CMIP: variants seen among roughly 807,000 people sequenced by gnomAD.
The protein encoded by CMIP is C-Maf-inducing protein.
CMIP carries 13 observed loss-of-function variants against 97.3 expected under a neutral mutation model. That is an observed-to-expected ratio of 0.13 (90% CI 0.09 to 0.21). CMIP has a LOEUF of 0.21. CMIP is among the 10% of genes least tolerant of loss of function. The pLI is 1.00. For missense variants in CMIP, 847 were observed against 1,024.9 expected, an observed-to-expected ratio of 0.83 and a Z score of 2.37; for synonymous variants, 538 against 436.3, an observed-to-expected ratio of 1.23 and a Z score of -2.91.
In CMIP at chr16:81,655,361, T is replaced by C. The variant is rs1420654890; in HGVS notation, c.640-2414T>C. On this transcript the variant is annotated intron_variant, in intron 4 of 20. Coordinates refer to ENST00000537098, the MANE Select transcript of CMIP (RefSeq NM_198390.3). This position sits in a 1 kb window ranked among gnomAD's most constrained non-coding sequence, Gnocchi z 4.9. ...AGAGGGGCATCGTGGAGGGAGCTGC[T>C]AAGGACGCAAAACAGTTCCGAGAAA... Among the ~76,000 whole-genome samples the C allele has an allele frequency of 6.6e-6, 1 of 152,112 alleles. No individual in the cohort carries two copies. Among genetic ancestry groups the C allele is most frequent in the Non-Finnish European group, 1.5e-5 (1 of 68,020 alleles).
chr16:81,521,535 G>C (rs2090027802), intron 1 of CMIP, among the ~76,000 whole-genome samples: 1 of 152,160 alleles, frequency 6.6e-6, no homozygotes, highest in Non-Finnish European at 1.5e-5. Context: ...GAAGAGGAGG[G>C]GGCTGAGTGT....
intron 1 of CMIP, among the ~76,000 whole-genome samples, chr16:81,604,037 TAA>T (rs2091700674): frequency 6.6e-6 from 1 of 152,218 alleles, no homozygotes; most frequent in Non-Finnish European, 1.5e-5. Context: ...TCCTTGGTCC[TAA>T]AAAGTCTGCT....
chr16:81,649,941 G>T (rs1172625659), intron 3 of CMIP, among the ~76,000 whole-genome samples: 1 of 152,186 alleles, frequency 6.6e-6, no homozygotes, highest in Non-Finnish European at 1.5e-5. Context: ...AGACATGTTG[G>T]GTTTTGCACA....
At chr16:81,569,964 C>T (rs2091054771) in intron 1 of CMIP, among the ~76,000 whole-genome samples, 1 of 152,128 alleles carries the variant, frequency 6.6e-6, no homozygotes. Context: ...TTCATTCATT[C>T]ATTCATTCAT....
chr16:81,551,378 G>T (rs2090655709), intron 1 of CMIP, among the ~76,000 whole-genome samples: 1 of 152,260 alleles, frequency 6.6e-6, no homozygotes, highest in African/African-American at 2.4e-5. Flanking sequence ...ATTAGCAAGT[G>T]ACAAATGGGA....
At chr16:81,594,563 A>G (rs145488804) in intron 1 of CMIP, among the ~76,000 whole-genome samples, 2 of 152,054 alleles carry the variant, frequency 1.3e-5, no homozygotes, top group African/African-American at 2.4e-5. Flanking sequence ...ACTAAATCCT[A>G]TATACACTGT....
chr16:81,572,758 C>T (rs1045749493), intron 1 of CMIP, among the ~76,000 whole-genome samples: 2 of 152,178 alleles, frequency 1.3e-5, no homozygotes, highest in African/African-American at 4.8e-5. Context: ...GCCAAGGTCC[C>T]TCAGGCTGGT....
chr16:81,468,378 G>C (rs1907331225), intron 1 of CMIP, among the ~76,000 whole-genome samples: 1 of 152,270 alleles, frequency 6.6e-6, no homozygotes, highest in African/African-American at 2.4e-5. Context: ...TTCCAGCTCT[G>C]CGGCCCCATC....
chr16:81,464,394 T>C (rs1320242770), intron 1 of CMIP: 1 of 152,242 alleles, frequency 6.6e-6, no homozygotes, highest in East Asian at 1.9e-4. Flanking sequence ...GTAGAGAGAC[T>C]GCCCCAGTCG....
chr16:81,527,090 G>A (rs2090147164), intron 1 of CMIP, among the ~76,000 whole-genome samples: 1 of 152,224 alleles, frequency 6.6e-6, no homozygotes, highest in Non-Finnish European at 1.5e-5. Flanking sequence ...GCCTGGACCT[G>A]AAAGGAATGT....
chr16:81,640,851 A>G (rs898427924), intron 3 of CMIP, among the ~76,000 whole-genome samples: 1 of 151,714 alleles, frequency 6.6e-6, no homozygotes, highest in African/African-American at 2.4e-5. Context: ...GTATGACCTC[A>G]TCTTAATTAT....
chr16:81,525,541 A>T (rs1308472359), intron 1 of CMIP, among the ~76,000 whole-genome samples: 1 of 152,228 alleles, frequency 6.6e-6, no homozygotes, highest in Admixed American at 6.5e-5. Flanking sequence ...TTTAAGAGAC[A>T]GAGTATGGCT....
At chr16:81,696,108 T>C in intron 13 of CMIP, 1 of 194,172 alleles carries the variant, frequency 5.2e-6, no homozygotes, top group Non-Finnish European at 1.1e-5. Context: ...GGGAGAGGAG[T>C]TAGAAACACA....
At chr16:81,632,950 G>A (rs1042539292) in intron 3 of CMIP, among the ~76,000 whole-genome samples, 2 of 152,106 alleles carry the variant, frequency 1.3e-5, no homozygotes, top group Non-Finnish European at 1.5e-5. Context: ...AAACTGCGAA[G>A]GAAGAAGTGG....
At chr16:81,683,212 C>G (rs1351231487) in intron 10 of CMIP, among the ~76,000 whole-genome samples, 2 of 152,164 alleles carry the variant, frequency 1.3e-5, no homozygotes, top group Non-Finnish European at 2.9e-5. Flanking sequence ...CTGTAAAGCT[C>G]AGATGGGGAG....
At chr16:81,706,558 T>C (rs867878451) in intron 19 of CMIP, among the ~76,000 whole-genome samples, 1 of 152,308 alleles carries the variant, frequency 6.6e-6, no homozygotes, top group Middle Eastern at 3.4e-3. Flanking sequence ...TCAGCGTCTC[T>C]GGGAGTGGGT....
intron 1 of CMIP, among the ~76,000 whole-genome samples, chr16:81,475,869 C>G (rs1907877740): frequency 6.6e-6 from 1 of 151,984 alleles, no homozygotes; most frequent in Non-Finnish European, 1.5e-5. Flanking sequence ...CGCCTGTAGT[C>G]TCAGCTACTT....
At chr16:81,673,181 T>TG in intron 9 of CMIP, among the ~76,000 whole-genome samples, 1 of 151,962 alleles carries the variant, frequency 6.6e-6, no homozygotes, top group Non-Finnish European at 1.5e-5. Flanking sequence ...CAGGAAACAC[T>TG]GGGGGACAGG....
At chr16:81,543,691 A>G (rs1477306275) in intron 1 of CMIP, among the ~76,000 whole-genome samples, 1 of 152,224 alleles carries the variant, frequency 6.6e-6, no homozygotes, top group African/African-American at 2.4e-5. Flanking sequence ...ATCTTAGAAC[A>G]GTGCCTGGCT....
Sources: allele counts gnomAD v4.1 joint callset (sites outside exome capture counted in the v4.1 genomes callset), GRCh38; gene constraint gnomAD v4.1.1; non-coding constraint Gnocchi (gnomAD v3.1); transcripts MANE v1.5; gene names NCBI Gene and HGNC (gene_info 2026-07-23, HGNC 2026-07-21).